The following CEP89 variants were observed in gnomAD, a reference collection of about 807,000 sequenced individuals.
The protein encoded by CEP89 is centrosomal protein of 89 kDa.
In CEP89, 95 loss-of-function variants were observed where a neutral mutation model predicts 97.6. That is an observed-to-expected ratio of 0.97 (90% CI 0.82 to 1.15). The LOEUF is 1.15. Ranked by LOEUF, CEP89 falls within the 50% of genes most tolerant of loss-of-function variation. The pLI is 0.00. For synonymous variants in CEP89, 354 were observed against 349.1 expected, an observed-to-expected ratio of 1.01 and a Z score of -0.16; for missense variants, 869 against 947.7, an observed-to-expected ratio of 0.92 and a Z score of 1.09.
intron 3 of CEP89, among the ~76,000 whole-genome samples, chr19:32,956,525 A>T (rs1971052734): frequency 6.6e-6 from 1 of 151,660 alleles, no homozygotes; most frequent in African/African-American, 2.4e-5. Flanking sequence ...ACACCATGCC[A>T]GGATGATTTT....
intron 7 of CEP89, among the ~76,000 whole-genome samples, chr19:32,937,317 A>G (rs1388642211): frequency 1.3e-5 from 2 of 151,826 alleles, no homozygotes; most frequent in East Asian, 3.9e-4. Context: ...ATCCCAGCAC[A>G]TCCCACAGGT....
At chr19:32,895,425 G>A (rs911049116) in intron 16 of CEP89, among the ~76,000 whole-genome samples, 6 of 152,044 alleles carry the variant, frequency 3.9e-5, no homozygotes, top group Admixed American at 1.3e-4. Context: ...AACATCCTTC[G>A]TGATAAAAAC....
chr19:32,939,635 G>A (rs1208165145), intron 6 of CEP89, among the ~76,000 whole-genome samples: 6 of 148,430 alleles, frequency 4.0e-5, no homozygotes, highest in Admixed American at 1.3e-4. Context: ...CTGAGATTGC[G>A]CCACTGCACT....
chr19:32,920,466 T>C (rs1970224615), intron 12 of CEP89, among the ~76,000 whole-genome samples: 2 of 152,080 alleles, frequency 1.3e-5, no homozygotes, highest in African/African-American at 4.8e-5. Flanking sequence ...TCCCTCTTAT[T>C]TTGTTTTATT....
intron 5 of CEP89, among the ~76,000 whole-genome samples, chr19:32,943,962 T>C (rs930107155): frequency 6.6e-5 from 10 of 152,236 alleles, no homozygotes; most frequent in Non-Finnish European, 1.5e-4. Flanking sequence ...ATGAGGTGTC[T>C]CATGCCTGTA....
At chr19:32,895,139 C>T (rs1256626411) in intron 16 of CEP89, among the ~76,000 whole-genome samples, 1 of 152,104 alleles carries the variant, frequency 6.6e-6, no homozygotes, top group Non-Finnish European at 1.5e-5. Flanking sequence ...GCCAGCAATA[C>T]CCTGCTACCA....
chr19:32,966,140 G>A, intron 2 of CEP89: 1 of 389,702 alleles, frequency 2.6e-6, no homozygotes, highest in Non-Finnish European at 4.5e-6. Context: ...CATGAAATGT[G>A]AGAAGTTCAT....
chr19:32,892,558 A>T (rs1455836069), intron 16 of CEP89, among the ~76,000 whole-genome samples: 2 of 151,790 alleles, frequency 1.3e-5, no homozygotes, highest in South Asian at 2.1e-4. Flanking sequence ...TGCCTGCCTC[A>T]GCCTCCCAAA....
Position 32,933,461 on chromosome 19 carries a change from C to A in CEP89, c.876G>T (p.Ser292=). The stretch of plus-strand genomic sequence containing the variant: ...TCTGTCTGTCCCCACCTTCCTGTGA[C>A]GACGCCTTCTCAGCCTCTTTGAGCT... The part of the protein sequence containing the change: ...KRKLKEAEKA[S]SQEVAAPELL... The change falls in exon 8 of 19, where the codon TCG becomes TCT. Residue 292 remains serine (S), a synonymous_variant. Transcript: ENST00000305768. 1 of 1,613,426 alleles carries A rather than the reference C, an allele frequency of 6.2e-7. No individual in the cohort carries two copies. Among genetic ancestry groups the A allele is most frequent in the South Asian group, 1.1e-5 (1 of 90,922 alleles).
At chr19:32,942,438 T>C (rs1970706842) in intron 5 of CEP89, among the ~76,000 whole-genome samples, 1 of 152,178 alleles carries the variant, frequency 6.6e-6, no homozygotes, top group Admixed American at 6.5e-5. Context: ...GGTGGACAAG[T>C]GGGAGTTCAT....
chr19:32,916,152 T>C (rs1439966788), intron 13 of CEP89, among the ~76,000 whole-genome samples: 1 of 151,164 alleles, frequency 6.6e-6, no homozygotes, highest in Admixed American at 6.6e-5. Flanking sequence ...GTGACATGCG[T>C]CTGTGGTCCC....
In CEP89 at chr19:32,927,316, T is replaced by A. The variant is rs1262989393; in HGVS notation, c.1030-332A>T. ...GCCCCTTTTCCTCTAAATACTTGTA[T>A]TTCCTAAAAACAAAAACATTCATTT... On this transcript the variant is annotated intron_variant, in intron 9 of 18. Coordinates refer to ENST00000305768, the MANE Select transcript of CEP89 (RefSeq NM_032816.5). Among the ~76,000 whole-genome samples the A allele has an allele frequency of 5.3e-5, 8 of 152,268 alleles. No homozygotes were observed. The East Asian group carries it at 1.3e-3, about 26-fold the overall frequency.
chr19:32,898,766 C>A (rs1054832709), intron 16 of CEP89, among the ~76,000 whole-genome samples: 1 of 151,716 alleles, frequency 6.6e-6, no homozygotes, highest in African/African-American at 2.4e-5. Context: ...CCTGTAGTCC[C>A]AGCTACTCGG....
intron 3 of CEP89, among the ~76,000 whole-genome samples, chr19:32,955,492 G>A (rs1202552759): frequency 1.3e-5 from 2 of 151,978 alleles, no homozygotes; most frequent in African/African-American, 2.4e-5. Flanking sequence ...AAAACAAACC[G>A]CCATAGAGTA....
intron 14 of CEP89, among the ~76,000 whole-genome samples, chr19:32,911,281 G>A (rs190627826): frequency 2.4e-4 from 36 of 152,348 alleles, no homozygotes; most frequent in Non-Finnish European, 4.3e-4. Context: ...CACATTGGTC[G>A]CAGGAGCAGA....
chr19:32,902,114 C>T (rs969739982), intron 14 of CEP89, among the ~76,000 whole-genome samples: 7 of 148,394 alleles, frequency 4.7e-5, no homozygotes, highest in African/African-American at 1.7e-4. Context: ...GTTATAAATG[C>T]CAGATTTATT....
intron 1 of CEP89, 160 bp downstream of exon 1, chr19:32,971,676 T>G (rs1243676511): frequency 4.5e-6 from 3 of 671,058 alleles, no homozygotes; most frequent in Middle Eastern, 2.5e-4. Flanking sequence ...AAAAAAAAAG[T>G]TTAGAACACG....
At chr19:32,907,119 GT>G (rs986157038) in intron 14 of CEP89, among the ~76,000 whole-genome samples, 16 of 152,322 alleles carry the variant, frequency 1.1e-4, no homozygotes, top group African/African-American at 3.8e-4. Context: ...CATCGCTTTG[GT>G]AGGCCAAGGC....
At chr19:32,913,027 T>A (rs1277505330) in intron 14 of CEP89, among the ~76,000 whole-genome samples, 9 of 149,916 alleles carry the variant, frequency 6.0e-5, no homozygotes, top group Non-Finnish European at 1.2e-4. Context: ...TGGGCGACAG[T>A]GAGACTCCGT....
Sources: gnomAD v4.1 joint callset for allele counts (sites outside exome capture counted in the v4.1 genomes callset) on GRCh38, gnomAD v4.1.1 for gene constraint, MANE v1.5 for transcripts, NCBI Gene and HGNC (gene_info 2026-07-23, HGNC 2026-07-21) for gene names.